Variants in CDH18 observed in about 807,000 individuals in gnomAD.
The protein encoded by CDH18 is cadherin-18.
A neutral mutation model predicts 67.9 loss-of-function variants in CDH18; 31 were observed. The observed-to-expected ratio is 0.46, with a 90% confidence interval of 0.34 to 0.62. CDH18 has a LOEUF of 0.62. Ranked by LOEUF, CDH18 falls within the 20% of genes least tolerant of loss-of-function variation. CDH18 has a pLI of 0.01. For missense variants in CDH18, 890 were observed against 975.5 expected (o/e 0.91, Z 1.17); for synonymous variants, 362 against 347.2 (o/e 1.04, Z -0.48).
At position 19,473,221 on chromosome 5, in the gene CDH18, A is replaced by T; in HGVS notation, c.*5T>A. ...AAATTCCACAAGGTTGCAAGAACTG[A>T]CCCCCTAAGTTGTTCTTTCAGATTC... On this transcript the variant is annotated 3_prime_UTR_variant, in exon 13 of 13. Coordinates refer to ENST00000382275, the MANE Select transcript of CDH18 (RefSeq NM_004934.5). 6.2e-7 allele frequency: 1 copy of T among 1,610,530 alleles called. No individual in the cohort carries two copies. The highest frequency in any genetic ancestry group is 8.5e-7 in the Non-Finnish European group (1 of 1,177,764).
At chr5:19,550,172 T>C (rs1254436514) in intron 8 of CDH18, among the ~76,000 whole-genome samples, 2 of 152,090 alleles carry the variant, frequency 1.3e-5, no homozygotes. Context: ...AAAAGCTTCA[T>C]GTAGTAGGTA....
chr5:19,991,518 A>T (rs550493800), upstream of CDH18, among the ~76,000 whole-genome samples: 1 of 152,280 alleles, frequency 6.6e-6, no homozygotes, highest in African/African-American at 2.4e-5. Context: ...AGAGCTAGTA[A>T]ATTATAAAGC....
At chr5:19,668,246 G>A (rs974671830) in intron 5 of CDH18, among the ~76,000 whole-genome samples, 2 of 151,956 alleles carry the variant, frequency 1.3e-5, no homozygotes, top group African/African-American at 2.4e-5. Context: ...CTGTGAGTCT[G>A]TGAGTGTTTG....
chr5:19,612,696 A>G, intron 5 of CDH18, 95 bp from the exon 6 acceptor site: 1 of 954,686 alleles, frequency 1.0e-6, no homozygotes, highest in Non-Finnish European at 1.6e-6. Flanking sequence ...GTCTTTTAAA[A>G]TAGCATATTT....
intron 3 of CDH18, among the ~76,000 whole-genome samples, chr5:19,768,980 C>T (rs1773416778): frequency 6.6e-6 from 1 of 151,750 alleles, no homozygotes; most frequent in Non-Finnish European, 1.5e-5. Context: ...AAGAAAGAAA[C>T]AGCAACATTG....
intron 1 of CDH18, among the ~76,000 whole-genome samples, chr5:20,527,113 AAACAC>A (rs1364508234): frequency 6.6e-6 from 1 of 152,134 alleles, no homozygotes; most frequent in Admixed American, 6.5e-5. Context: ...TTTATGATGA[AAACAC>A]AAGTATCAAT....
At chr5:20,501,182 G>A (rs1754225175) in intron 1 of CDH18, among the ~76,000 whole-genome samples, 1 of 151,914 alleles carries the variant, frequency 6.6e-6, no homozygotes, top group African/African-American at 2.4e-5. Context: ...AATTAAACAT[G>A]ATTTTCAAGA....
chr5:20,094,016 T>C (rs2150564697), intron 2 of CDH18, among the ~76,000 whole-genome samples: 1 of 152,120 alleles, frequency 6.6e-6, no homozygotes, highest in African/African-American at 2.4e-5. Context: ...AGACTCCTGG[T>C]GCCAAGAAAA....
At chr5:19,727,444 T>A (rs1008191320) in intron 4 of CDH18, among the ~76,000 whole-genome samples, 2 of 152,120 alleles carry the variant, frequency 1.3e-5, no homozygotes, top group African/African-American at 4.8e-5. Context: ...ACACCAAAGA[T>A]GGTCAGCGAA....
intron 2 of CDH18, among the ~76,000 whole-genome samples, chr5:19,859,911 G>T (rs1432985247): frequency 6.6e-6 from 1 of 151,402 alleles, no homozygotes; most frequent in Non-Finnish European, 1.5e-5. Context: ...TACAGTGTTT[G>T]ACTCTTTGTC....
intron 2 of CDH18, among the ~76,000 whole-genome samples, chr5:20,237,411 T>G (rs567081117): frequency 6.6e-6 from 1 of 151,972 alleles, no homozygotes; most frequent in East Asian, 1.9e-4. Flanking sequence ...GGTGAAATGA[T>G]TATCCATGTA....
At chr5:20,204,586 G>A (rs1739726865) in intron 2 of CDH18, among the ~76,000 whole-genome samples, 1 of 151,906 alleles carries the variant, frequency 6.6e-6, no homozygotes, top group African/African-American at 2.4e-5. Context: ...TAAGTGCACA[G>A]ACAAATCCAA....
At chr5:19,917,031 C>G (rs557611544) in intron 2 of CDH18, among the ~76,000 whole-genome samples, 2 of 152,074 alleles carry the variant, frequency 1.3e-5, no homozygotes, top group African/African-American at 4.8e-5. Context: ...TAAATTACTT[C>G]GAAAAAATCT....
At chr5:19,935,086 T>G (rs1309461476) in intron 2 of CDH18, among the ~76,000 whole-genome samples, 1 of 151,240 alleles carries the variant, frequency 6.6e-6, no homozygotes, top group Admixed American at 6.6e-5. Context: ...TCAGGGGATG[T>G]TCTTTCATTG....
chr5:20,412,097 CA>C (rs1746837061), intron 1 of CDH18, among the ~76,000 whole-genome samples: 1 of 152,046 alleles, frequency 6.6e-6, no homozygotes, highest in East Asian at 1.9e-4. Context: ...GCAAAAATAG[CA>C]AAGCTGGAGG....
At chr5:19,514,755 C>G (rs1745689261) in intron 10 of CDH18, among the ~76,000 whole-genome samples, 1 of 152,164 alleles carries the variant, frequency 6.6e-6, no homozygotes, top group African/African-American at 2.4e-5. Flanking sequence ...AGCCCTTTGT[C>G]AGATGAGTAG....
chr5:19,480,041 T>C (rs1332253647), intron 12 of CDH18, among the ~76,000 whole-genome samples: 1 of 152,184 alleles, frequency 6.6e-6, no homozygotes, highest in Non-Finnish European at 1.5e-5. Flanking sequence ...ATTACATTTT[T>C]GATATTTATC....
Position 19,473,267 on chromosome 5 carries a change from C to A in CDH18, c.2332G>T (p.Ala778Ser). ...GDWGPEFKKL[A>S]ELYGEIESER... ...GATTCTATTTCTCCATAGAGTTCAG[C>A]TAACTTTTTAAACTCGGGTCCCCAG... Residue 778 changes from alanine (A) to serine (S), a missense_variant, in exon 13 of 13, where the codon GCT becomes TCT. Around this residue, in one of 2 missense-constraint regions of CDH18, gnomAD observed 656 missense variants for 668.1 expected, o/e 0.98. Coordinates refer to ENST00000382275, the MANE Select transcript of CDH18 (RefSeq NM_004934.5). The A allele has an allele frequency of 6.2e-7, 1 of 1,613,658 alleles. No homozygotes were observed. The highest frequency in any genetic ancestry group is 8.5e-7 in the Non-Finnish European group (1 of 1,179,754).
At chr5:20,029,182 G>C (rs528882892) in intron 2 of CDH18, among the ~76,000 whole-genome samples, 7 of 152,154 alleles carry the variant, frequency 4.6e-5, no homozygotes, top group Non-Finnish European at 8.8e-5. Context: ...TAATAGAGTA[G>C]GTTGTCTAAG....
Sources: allele counts gnomAD v4.1 joint callset (sites outside exome capture counted in the v4.1 genomes callset), GRCh38; gene constraint gnomAD v4.1.1; regional missense constraint gnomAD v4.1.1; transcripts MANE v1.5; gene names NCBI Gene and HGNC (gene_info 2026-07-23, HGNC 2026-07-21).